Variants in GABBR2 observed in about 807,000 individuals in gnomAD.
GABBR2 encodes the protein G-protein coupled receptor 51.
Under a neutral mutation model 105.6 loss-of-function variants are expected in GABBR2, and 23 were observed. The ratio of observed to expected loss-of-function variants is 0.22; its 90% CI spans 0.16 to 0.31. The LOEUF is 0.31. GABBR2 is among the 10% of genes least tolerant of loss of function. The pLI, the probability that GABBR2 is intolerant of heterozygous loss-of-function variation, is 1.00. For missense variants in GABBR2, 734 were observed against 1,245.5 expected (o/e 0.59, Z 6.18); for synonymous variants, 478 against 499.7 (o/e 0.96, Z 0.58).
intron 1 of GABBR2, among the ~76,000 whole-genome samples, chr9:98,594,089 G>C (rs1214878578): frequency 6.6e-6 from 1 of 152,188 alleles, no homozygotes; most frequent in Non-Finnish European, 1.5e-5. Flanking sequence ...CAACATCTCA[G>C]GTCTGATCCC....
intron 6 of GABBR2, among the ~76,000 whole-genome samples, chr9:98,461,882 T>G (rs1395266403): frequency 6.6e-6 from 1 of 152,074 alleles, no homozygotes; most frequent in Non-Finnish European, 1.5e-5. Context: ...GGGGAAGGTG[T>G]CACACACCTT....
intron 3 of GABBR2, among the ~76,000 whole-genome samples, chr9:98,524,345 A>G (rs949719414): frequency 6.6e-6 from 1 of 152,220 alleles, no homozygotes; most frequent in African/African-American, 2.4e-5. Context: ...AGACAGCACA[A>G]TCACGGCAAA....
At chr9:98,394,645 G>A (rs1020994905) in intron 8 of GABBR2, among the ~76,000 whole-genome samples, 4 of 152,152 alleles carry the variant, frequency 2.6e-5, no homozygotes, top group Non-Finnish European at 4.4e-5. Flanking sequence ...ATCTTCCCTA[G>A]GATAGGCCCA....
chr9:98,385,153 T>C (rs1392794897), intron 11 of GABBR2, among the ~76,000 whole-genome samples: 1 of 152,214 alleles, frequency 6.6e-6, no homozygotes, highest in Non-Finnish European at 1.5e-5. Context: ...TCCTTTTCTA[T>C]GTTACTCTGT....
intron 1 of GABBR2, among the ~76,000 whole-genome samples, chr9:98,602,753 CGG>C (rs1564127773): frequency 6.6e-6 from 1 of 152,180 alleles, no homozygotes; most frequent in African/African-American, 2.4e-5. Flanking sequence ...CAAGTTCTCA[CGG>C]AGATGCTCGG....
chr9:98,517,243 T>G (rs1362063904), intron 3 of GABBR2, among the ~76,000 whole-genome samples: 1 of 152,240 alleles, frequency 6.6e-6, no homozygotes, highest in Admixed American at 6.5e-5. Flanking sequence ...TAGCTCCCCA[T>G]GGGCAAGCTT....
At chr9:98,488,453 A>G (rs1346994379) in intron 4 of GABBR2, among the ~76,000 whole-genome samples, 1 of 152,222 alleles carries the variant, frequency 6.6e-6, no homozygotes, top group Admixed American at 6.5e-5. Flanking sequence ...CTCAAAAAAG[A>G]AAGCCAAACA....
At chr9:98,705,179 C>A (rs977063940) in intron 1 of GABBR2, among the ~76,000 whole-genome samples, 1 of 152,132 alleles carries the variant, frequency 6.6e-6, no homozygotes, top group African/African-American at 2.4e-5. Context: ...TGTTCAAATC[C>A]TCATTGGAAT....
intron 9 of GABBR2, 69 bp from the exon 10 acceptor site, chr9:98,389,073 G>T (rs1832132077): frequency 1.4e-6 from 2 of 1,393,928 alleles, no homozygotes; most frequent in Non-Finnish European, 2.0e-6. Flanking sequence ...CTTTGCCTTA[G>T]TGTCCCTGAC....
intron 12 of GABBR2, among the ~76,000 whole-genome samples, chr9:98,364,459 T>G (rs1162277319): frequency 6.6e-6 from 1 of 152,208 alleles, no homozygotes; most frequent in African/African-American, 2.4e-5. Flanking sequence ...CCCAAGCAGC[T>G]TCTCCTCCTC....
chr9:98,336,044 T>C (rs1831109268), intron 13 of GABBR2, among the ~76,000 whole-genome samples: 1 of 152,126 alleles, frequency 6.6e-6, no homozygotes. Context: ...ATAAGCAATG[T>C]GATGGAGAAA....
At chr9:98,344,351 A>C (rs895468057) in intron 13 of GABBR2, among the ~76,000 whole-genome samples, 1 of 152,202 alleles carries the variant, frequency 6.6e-6, no homozygotes, top group African/African-American at 2.4e-5. Context: ...AAGAATACAA[A>C]TCATATTTTA....
chr9:98,608,845 A>T (rs2131811668), intron 1 of GABBR2, among the ~76,000 whole-genome samples: 1 of 152,348 alleles, frequency 6.6e-6, no homozygotes, highest in South Asian at 2.1e-4. Context: ...AATAGAATAT[A>T]GCATCTTTCA....
intron 3 of GABBR2, among the ~76,000 whole-genome samples, chr9:98,530,783 C>CA (rs887922979): frequency 1.8e-3 from 263 of 147,310 alleles, no homozygotes; most frequent in African/African-American, 5.4e-3. Context: ...AACCCCATCT[C>CA]AAAAAAAAAA....
chr9:98,469,616 T>C lies in GABBR2; in HGVS notation c.999+3530A>G, dbSNP rs73655465. ...TACCTGGGTAATCCAGGAAATCTTA[T>C]CCTGAGAGCCTTAAGTTAATTACAC... On this transcript the variant is annotated intron_variant, in intron 6 of 18. Coordinates refer to ENST00000259455, the MANE Select transcript of GABBR2 (RefSeq NM_005458.8). 8.3e-3 allele frequency among the ~76,000 whole-genome samples: 1,267 copies of C among 152,286 alleles called. 12 individuals carry two copies. Among genetic ancestry groups the C allele is most frequent in the African/African-American group, 0.029 (1,197 of 41,550 alleles).
chr9:98,340,595 G>C (rs1383881993), intron 13 of GABBR2, among the ~76,000 whole-genome samples: 1 of 152,166 alleles, frequency 6.6e-6, no homozygotes, highest in Non-Finnish European at 1.5e-5. Context: ...ATCAACCACA[G>C]ACCTACCAGC....
intron 2 of GABBR2, among the ~76,000 whole-genome samples, chr9:98,563,395 G>A (rs986753176): frequency 6.6e-6 from 1 of 152,322 alleles, no homozygotes; most frequent in Non-Finnish European, 1.5e-5. Context: ...CATGCTGTGG[G>A]CAGCGAGGGT....
At chr9:98,318,908 T>C (rs966206202) in intron 13 of GABBR2, among the ~76,000 whole-genome samples, 2 of 131,602 alleles carry the variant, frequency 1.5e-5, no homozygotes, top group Non-Finnish European at 3.3e-5. Context: ...TGTGTGTGTG[T>C]GTGTGTTGGG....
intron 1 of GABBR2, among the ~76,000 whole-genome samples, chr9:98,701,970 G>C (rs1000452758): frequency 6.6e-6 from 1 of 152,136 alleles, no homozygotes; most frequent in Non-Finnish European, 1.5e-5. Context: ...CTGAGCACTC[G>C]CAGTGTGCCG....
Sources: allele counts gnomAD v4.1 joint callset (sites outside exome capture counted in the v4.1 genomes callset), GRCh38; gene constraint gnomAD v4.1.1; transcripts MANE v1.5; gene names NCBI Gene and HGNC (gene_info 2026-07-23, HGNC 2026-07-21).